HDAC8: variants seen among roughly 807,000 people sequenced by gnomAD.
The protein encoded by HDAC8 is histone deacetylase 8.
In HDAC8, 1 loss-of-function variant was observed where a neutral mutation model predicts 32.2. The observed-to-expected ratio is 0.03, with a 90% CI of 0.01 to 0.15. The LOEUF is 0.15. HDAC8 is among the 10% of genes least tolerant of loss of function. HDAC8 has a pLI of 1.00. For missense variants in HDAC8, 117 were observed against 300.0 expected (o/e 0.39, Z 4.51); for synonymous variants, 108 against 113.9 (o/e 0.95, Z 0.33).
At chrX:72,453,211 C>A (rs1347457876) in intron 9 of HDAC8, among the ~76,000 whole-genome samples, 3 of 107,676 alleles carry the variant, frequency 2.8e-5, no homozygotes, top group Non-Finnish European at 5.7e-5. Flanking sequence ...CTTTGGGAGG[C>A]TGAGGCAAGA....
intron 9 of HDAC8, among the ~76,000 whole-genome samples, chrX:72,387,689 A>C (rs918661543): frequency 1.8e-5 from 2 of 112,012 alleles, no homozygotes; most frequent in African/African-American, 6.5e-5. Context: ...CATCTAAAGC[A>C]CTTAAAACAG....
intron 2 of HDAC8, among the ~76,000 whole-genome samples, chrX:72,569,543 G>A (rs1339800273): frequency 2.7e-5 from 3 of 112,519 alleles, no homozygotes; most frequent in African/African-American, 6.5e-5. Context: ...AACCCAAAAT[G>A]TAATGTTTCT....
At chrX:72,399,448 C>T (rs967105248) in intron 9 of HDAC8, among the ~76,000 whole-genome samples, 16 of 112,340 alleles carry the variant, frequency 1.4e-4, no homozygotes, top group African/African-American at 5.2e-4. Flanking sequence ...AATGCCTTGG[C>T]TTTTCTTGCA....
At chrX:72,490,446 C>G (rs1324074614) in intron 6 of HDAC8, among the ~76,000 whole-genome samples, 2 of 107,542 alleles carry the variant, frequency 1.9e-5, no homozygotes, top group Non-Finnish European at 3.8e-5. Flanking sequence ...AGTTCATGTC[C>G]TTTGTAGGGA....
chrX:72,435,945 G>A (rs1380117002), intron 9 of HDAC8, among the ~76,000 whole-genome samples: 1 of 111,123 alleles, frequency 9.0e-6, no homozygotes, highest in Non-Finnish European at 1.9e-5. Context: ...TCCAGCCTGG[G>A]TGATGGAGTG....
At chrX:72,432,144 A>T (rs1274079399) in intron 9 of HDAC8, among the ~76,000 whole-genome samples, 7 of 105,657 alleles carry the variant, frequency 6.6e-5, no homozygotes, top group Admixed American at 4.0e-4. Flanking sequence ...TTAATTTTTT[A>T]TTTTTTTTTT....
At position 72,384,695 on chromosome X, in the gene HDAC8, G is replaced by A. The variant is rs545066777; in HGVS notation, c.1006-32857C>T. Among the ~76,000 whole-genome samples the A allele has an allele frequency of 8.0e-5, 9 of 112,392 alleles. No individual in the cohort carries two copies. In the South Asian group the frequency reaches 3.3e-3, roughly 42 times the overall value. On this transcript the variant is annotated intron_variant, in intron 9 of 10. Coordinates refer to ENST00000373573, the MANE Select transcript of HDAC8 (RefSeq NM_018486.3). ...AAACCATTGTATTGAAAAAGTTTGAGTAAGTAATATATGTATTTAGTTAAA... is the reference window on the plus strand; with the variant it reads ...AAACCATTGTATTGAAAAAGTTTGAATAAGTAATATATGTATTTAGTTAAA...
chrX:72,559,494 C>A (rs782264428), intron 4 of HDAC8, among the ~76,000 whole-genome samples: 91 of 111,591 alleles, frequency 8.2e-4, no homozygotes, highest in African/African-American at 2.8e-3. Context: ...GCCGCCACCC[C>A]GTCTGGGAAG....
At chrX:72,433,135 T>C (rs1250241643) in intron 9 of HDAC8, among the ~76,000 whole-genome samples, 1 of 111,555 alleles carries the variant, frequency 9.0e-6, no homozygotes, top group Non-Finnish European at 1.9e-5. Flanking sequence ...ATTGTAAGTA[T>C]ATAAACCAGT....
chrX:72,443,370 G>A (rs1256942886), intron 9 of HDAC8, among the ~76,000 whole-genome samples: 2 of 110,840 alleles, frequency 1.8e-5, no homozygotes, highest in Non-Finnish European at 3.8e-5. Flanking sequence ...TAGAACTCAG[G>A]ATTAAGAAAC....
chrX:72,464,349 G>C, intron 8 of HDAC8: 1 of 423,999 alleles, frequency 2.4e-6, no homozygotes, highest in South Asian at 3.6e-5. Flanking sequence ...AGAGTGCCAA[G>C]AAGTCAATGC....
chrX:72,436,368 T>G (rs1479728655), intron 9 of HDAC8, among the ~76,000 whole-genome samples: 1 of 111,724 alleles, frequency 9.0e-6, no homozygotes, highest in Non-Finnish European at 1.9e-5. Context: ...TAAATGACAG[T>G]GGATTTCTCA....
At chrX:72,477,090 G>A (rs1003656924) in intron 7 of HDAC8, among the ~76,000 whole-genome samples, 7 of 111,804 alleles carry the variant, frequency 6.3e-5, no homozygotes, top group African/African-American at 2.0e-4. Context: ...AATTGAAACC[G>A]ACTTCTCTGA....
At chrX:72,562,231 G>T (rs1172322362) in intron 4 of HDAC8, among the ~76,000 whole-genome samples, 1 of 111,818 alleles carries the variant, frequency 8.9e-6, no homozygotes, top group South Asian at 3.8e-4. Context: ...ACTTGCACAC[G>T]CATGTTTATA....
intron 9 of HDAC8, among the ~76,000 whole-genome samples, chrX:72,368,518 A>C (rs1322496247): frequency 2.7e-5 from 3 of 110,924 alleles, no homozygotes; most frequent in African/African-American, 9.8e-5. Flanking sequence ...CACCACATGC[A>C]GCTAATTTTT....
At chrX:72,355,026 C>A (rs922599210) in intron 9 of HDAC8, among the ~76,000 whole-genome samples, 1 of 112,057 alleles carries the variant, frequency 8.9e-6, no homozygotes, top group Non-Finnish European at 1.9e-5. Context: ...AAAGATGAGT[C>A]TGTTCTTCCT....
intron 4 of HDAC8, among the ~76,000 whole-genome samples, chrX:72,549,711 T>C (rs2051000159): frequency 8.9e-6 from 1 of 111,910 alleles, no homozygotes; most frequent in Admixed American, 9.5e-5. Context: ...AATTTAATCA[T>C]CTATACAAGA....
chrX:72,418,749 G>T (rs2046411290), intron 9 of HDAC8, among the ~76,000 whole-genome samples: 1 of 111,222 alleles, frequency 9.0e-6, no homozygotes, highest in Non-Finnish European at 1.9e-5. Flanking sequence ...TTTCTTCTAG[G>T]ATTGTTATGG....
intron 9 of HDAC8, among the ~76,000 whole-genome samples, chrX:72,404,329 A>T (rs1211721812): frequency 2.7e-5 from 3 of 111,397 alleles, no homozygotes; most frequent in Non-Finnish European, 5.7e-5. Context: ...TAAAGTTTAG[A>T]GTTAATATAT....
Sources: allele counts gnomAD v4.1 joint callset (sites outside exome capture counted in the v4.1 genomes callset), GRCh38; gene constraint gnomAD v4.1.1; transcripts MANE v1.5; gene names NCBI Gene and HGNC (gene_info 2026-07-23, HGNC 2026-07-21).